ALDOA: variants seen among roughly 807,000 people sequenced by gnomAD.
The protein encoded by ALDOA is fructose-bisphosphate aldolase A.
Under a neutral mutation model 43.9 loss-of-function variants are expected in ALDOA, and 26 were observed. The ratio of observed to expected loss-of-function variants is 0.59; its 90% CI spans 0.43 to 0.82. The LOEUF (loss-of-function observed/expected upper bound fraction) is 0.82, where lower values mean the gene tolerates loss of function less well. Among genes scored for constraint, ALDOA ranks in the 40% least tolerant of loss-of-function variants. The pLI is 0.00. For synonymous variants in ALDOA, 258 were observed against 222.6 expected, an observed-to-expected ratio of 1.16 and a Z score of -1.42; for missense variants, 498 against 549.5, an observed-to-expected ratio of 0.91 and a Z score of 0.94.
upstream of ALDOA, chr16:30,064,877 G>A (rs1469487755): frequency 5.4e-6 from 1 of 185,438 alleles, no homozygotes; most frequent in Non-Finnish European, 1.1e-5. Context: ...GGGGAGATTT[G>A]GACGATAGGA....
Position 30,069,935 on chromosome 16 carries a change from A to G in ALDOA, c.1067A>G (p.Tyr356Cys). Residue 356 changes from tyrosine to cysteine, a missense_variant, in exon 9 of 10, where the codon TAC (tyrosine) becomes TGC (cysteine). Transcript: ENST00000642816. ...AAGCCCTGGGCCCTGACCTTCTCCT[A>G]CGGCCGAGCCCTGCAGGCCTCTGCC... ...LLKPWALTFS[Y>C]GRALQASALK... 1.2e-6 allele frequency: 2 copies of G among 1,613,966 alleles called. No individual in the cohort carries two copies. The highest frequency in any genetic ancestry group is 1.7e-6 in the Non-Finnish European group (2 of 1,179,992).
intron 8 of ALDOA, 69 bp from the exon 9 acceptor site, chr16:30,069,761 T>C (rs982947672): frequency 6.2e-7 from 1 of 1,611,934 alleles, no homozygotes; most frequent in Non-Finnish European, 8.5e-7. Context: ...CCATGGCAAC[T>C]TCCACCAGCT....
At chr16:30,067,138 A>G in intron 2 of ALDOA, 96 bp from the exon 3 acceptor site, 1 of 1,586,084 alleles carries the variant, frequency 6.3e-7, no homozygotes, top group Non-Finnish European at 8.6e-7. Flanking sequence ...GGAGGTAGGG[A>G]ACATTTCCCT....
intron 6 of ALDOA, 123 bp downstream of exon 6, chr16:30,069,101 G>A: frequency 6.7e-7 from 1 of 1,487,016 alleles, no homozygotes; most frequent in Non-Finnish European, 9.3e-7. Flanking sequence ...GGCCCGTGGA[G>A]GACACTCAAG....
chr16:30,067,241 C>G lies in ALDOA; in HGVS notation c.149C>G (p.Ala50Gly). The G allele has an allele frequency of 1.2e-6, 2 of 1,612,218 alleles. No homozygotes were observed. The highest frequency in any genetic ancestry group is 1.7e-6 in the Non-Finnish European group (2 of 1,179,988). The stretch of plus-strand genomic sequence containing the variant: ...TCTGTTTCCTGTATCCAGGAACTTG[C>G]TACTACCAGCACCATGCCCTACCAA... ...QHQTELGKEL[A>G]TTSTMPYQYP... is the part of the protein sequence containing the mutation. Residue 50 changes from alanine to glycine, a missense_variant, in exon 3 of 10, where the codon GCT (alanine) becomes GGT (glycine). By Grantham distance (60) the Ala-to-Gly change is moderately conservative (BLOSUM62 0). Transcript: ENST00000642816.
At chr16:30,068,443 G>A (rs2072197574) in intron 4 of ALDOA, 1 of 660,756 alleles carries the variant, frequency 1.5e-6, no homozygotes, top group African/African-American at 1.8e-5. Context: ...TTAAGTAAAT[G>A]TGGGGGAAGA....
rs1211428103 is a variant in ALDOA at position 30,066,867 on chromosome 16, G to A, written c.-13-18G>A. On this transcript the variant is annotated intron_variant, in intron 1 of 9. Coordinates refer to ENST00000642816, the MANE Select transcript of ALDOA (RefSeq NM_001243177.4). ...GATCTTTACATTCTAAAATACTCCG[G>A]TTCGGTTTTGTTTTCAGGCAAGGTG... 7 of 1,545,622 alleles carry A rather than the reference G, an allele frequency of 4.5e-6. No individual in the cohort carries two copies. The highest frequency in any genetic ancestry group is 1.4e-5 in the African/African-American group (1 of 72,832).
rs769563671 is a variant in ALDOA, at chr16:30,068,956, G to T, written c.680G>T (p.Arg227Leu). 1.9e-6 allele frequency: 3 copies of T among 1,614,238 alleles called. No homozygotes were observed. The highest frequency in any genetic ancestry group is 4.5e-5 in the East Asian group (2 of 44,896). Reference protein sequence around the residue: ...AIMENANVLARYASICQQNGI... With the variant: ...AIMENANVLALYASICQQNGI... ...ATGGAAAATGCCAATGTTCTGGCCC[G>T]TTATGCCAGTATCTGCCAGCAGGTG... Residue 227 changes from arginine to leucine, a missense_variant, in exon 6 of 10, where the codon CGT becomes CTT. By Grantham distance (102) the Arg-to-Leu change is moderately radical (BLOSUM62 -2). Coordinates refer to ENST00000642816, the MANE Select transcript of ALDOA (RefSeq NM_001243177.4).
rs754771698 is a variant in ALDOA at position 30,070,102 on chromosome 16, C to T, written c.1162-15C>T. 2 of 1,613,910 alleles carry T rather than the reference C, an allele frequency of 1.2e-6. No homozygotes were observed. Among genetic ancestry groups the T allele is most frequent in the African/African-American group, 1.3e-5 (1 of 75,044 alleles). On this transcript the variant is annotated splice_polypyrimidine_tract_variant and intron_variant, in intron 9 of 9. Transcript: ENST00000642816. Reference sequence around the variant, plus strand: ...GGAGAAGAGCCCTTCTCACTCCACCCCTCTCCCTGCTTAGGCCAACAGCCT... The same window carrying T: ...GGAGAAGAGCCCTTCTCACTCCACCTCTCTCCCTGCTTAGGCCAACAGCCT...
intron 8 of ALDOA, 63 bp downstream of exon 8, chr16:30,069,736 C>T: frequency 3.7e-6 from 6 of 1,611,460 alleles, no homozygotes; most frequent in Non-Finnish European, 5.1e-6. Flanking sequence ...ACCCTATGCC[C>T]ATTTGGACGG....
Position 30,070,208 on chromosome 16 carries a change from A to G in ALDOA, c.1253A>G (p.Tyr418Cys), listed in dbSNP as rs1014492242. The change falls in exon 10 of 10, where the codon TAT becomes TGT. Residue 418 changes from tyrosine (Y) to cysteine (C), a missense_variant. Tyr to Cys is a radical substitution (Grantham distance 194). Coordinates refer to ENST00000642816, the MANE Select transcript of ALDOA (RefSeq NM_001243177.4). ...SESLFVSNHA[Y>C] ...TCCCTCTTCGTCTCTAACCACGCCT[A>G]TTAAGCGGAGGTGTTCCCAGGCTGC... The G allele has an allele frequency of 5.0e-6, 8 of 1,613,942 alleles. No individual in the cohort carries two copies. The highest frequency in any genetic ancestry group is 2.2e-5 in the East Asian group (1 of 44,878).
chr16:30,068,221 C>T (rs1034045503), intron 4 of ALDOA: 1 of 321,334 alleles, frequency 3.1e-6, no homozygotes, highest in African/African-American at 2.2e-5. Context: ...CCCGCCACCA[C>T]CCGGCTAATT....
chr16:30,067,166 C>T (rs1291468829), intron 2 of ALDOA, 68 bp from the exon 3 acceptor site: 2 of 1,604,808 alleles, frequency 1.2e-6, no homozygotes, highest in African/African-American at 1.3e-5. Context: ...AGGAGAGGGG[C>T]CCTGGTCATC....
upstream of ALDOA, among the ~76,000 whole-genome samples, chr16:30,065,008 C>T (rs780244388): frequency 5.9e-5 from 9 of 152,272 alleles, no homozygotes; most frequent in Non-Finnish European, 8.8e-5. Context: ...AGAGGCCGAG[C>T]AGCGGCCGGT....
upstream of ALDOA, chr16:30,064,435 A>C (rs1304338011): frequency 7.5e-6 from 3 of 398,552 alleles, no homozygotes; most frequent in Admixed American, 8.8e-5. Flanking sequence ...TCCCTGGCCA[A>C]AGATTTATTT....
intron 1 of ALDOA, among the ~76,000 whole-genome samples, chr16:30,066,397 C>G (rs946829139): frequency 6.6e-6 from 1 of 152,198 alleles, no homozygotes; most frequent in Non-Finnish European, 1.5e-5. Flanking sequence ...ATCGGGCGAC[C>G]TTGATTCTGA....
Position 30,067,635 on chromosome 16 carries a change from T to A in ALDOA, c.460T>A (p.Ser154Thr). Reference protein sequence around the residue: ...DGRPFPQVIKSKGGVVGIKVD... With the variant: ...DGRPFPQVIKTKGGVVGIKVD... Reference sequence around the variant, plus strand: ...GCGTCCCTTCCCCCAAGTTATCAAATCCAAGGGCGGTGTTGTGGGCATCAA... The same window carrying A: ...GCGTCCCTTCCCCCAAGTTATCAAAACCAAGGGCGGTGTTGTGGGCATCAA... The change falls in exon 4 of 10, where the codon TCC becomes ACC. Residue 154 changes from serine to threonine, a missense_variant. Physicochemically the swap from Ser to Thr is moderately conservative, Grantham distance 58. Coordinates refer to ENST00000642816, the MANE Select transcript of ALDOA (RefSeq NM_001243177.4). The A allele has an allele frequency of 6.2e-7, 1 of 1,614,008 alleles. No individual in the cohort carries two copies.
Position 30,069,968 on chromosome 16 carries a change from C to G in ALDOA, c.1100C>G (p.Ala367Gly). 6.2e-7 allele frequency: 1 copy of G among 1,613,992 alleles called. No homozygotes were observed. The highest frequency in any genetic ancestry group is 8.5e-7 in the Non-Finnish European group (1 of 1,180,028). ...GCCCTGCAGGCCTCTGCCCTGAAGG[C>G]CTGGGGCGGGAAGAAGGAGAACCTG... ...GRALQASALKAWGGKKENLKA... is the reference protein window; with the variant it reads ...GRALQASALKGWGGKKENLKA... Residue 367 changes from alanine to glycine, a missense_variant, in exon 9 of 10, where the codon GCC becomes GGC. Physicochemically the swap from Ala to Gly is moderately conservative, Grantham distance 60. Coordinates refer to ENST00000642816, the MANE Select transcript of ALDOA (RefSeq NM_001243177.4).
At chr16:30,065,142 G>A (rs1441298864), upstream of ALDOA, among the ~76,000 whole-genome samples, 1 of 152,240 alleles carries the variant, frequency 6.6e-6, no homozygotes, top group Non-Finnish European at 1.5e-5. Flanking sequence ...CTCGGATGGG[G>A]AGGTCTCGCC....
Sources: gnomAD v4.1 joint callset for allele counts (sites outside exome capture counted in the v4.1 genomes callset) on GRCh38, gnomAD v4.1.1 for gene constraint, MANE v1.5 for transcripts, NCBI Gene and HGNC (gene_info 2026-07-23, HGNC 2026-07-21) for gene names.